SYT1: variants seen among roughly 807,000 people sequenced by gnomAD.
The protein encoded by SYT1 is synaptotagmin 1.
SYT1 carries 8 observed loss-of-function variants against 44.8 expected under a neutral mutation model. The ratio of observed to expected loss-of-function variants is 0.18; its 90% confidence interval spans 0.10 to 0.32. The LOEUF (loss-of-function observed/expected upper bound fraction) is 0.32, where lower values mean the gene tolerates loss of function less well. SYT1 is among the 10% of genes least tolerant of loss of function. The pLI, the probability that SYT1 is intolerant of heterozygous loss-of-function variation, is 1.00. For synonymous variants in SYT1, 154 were observed against 188.8 expected, an observed-to-expected ratio of 0.82 and a Z score of 1.51; for missense variants, 286 against 509.3, an observed-to-expected ratio of 0.56 and a Z score of 4.22.
At chr12:79,055,658 T>C (rs1184573600) in intron 3 of SYT1, among the ~76,000 whole-genome samples, 1 of 151,974 alleles carries the variant, frequency 6.6e-6, no homozygotes, top group Non-Finnish European at 1.5e-5. Flanking sequence ...AATGTCCTCT[T>C]CTATAAAAAT....
chr12:79,072,196 A>G (rs1373953745), intron 3 of SYT1, among the ~76,000 whole-genome samples: 1 of 152,144 alleles, frequency 6.6e-6, no homozygotes, highest in Non-Finnish European at 1.5e-5. Flanking sequence ...TTTAATTACC[A>G]ATTAAAGATG....
chr12:78,936,665 G>A (rs1036424819), intron 1 of SYT1, among the ~76,000 whole-genome samples: 8 of 151,866 alleles, frequency 5.3e-5, no homozygotes, highest in Non-Finnish European at 8.8e-5. Flanking sequence ...GACTTTAACC[G>A]AGTTTGGCAA....
At chr12:79,339,652 G>A (rs1245816728) in intron 8 of SYT1, among the ~76,000 whole-genome samples, 4 of 152,130 alleles carry the variant, frequency 2.6e-5, no homozygotes, top group Non-Finnish European at 2.9e-5. Context: ...TTCTTTTGCT[G>A]TGCAGAAGCC....
In SYT1 at chr12:79,367,941, A is replaced by T. The variant is rs558119293; in HGVS notation, c.928+14322A>T. On this transcript the variant is annotated intron_variant, in intron 9 of 10. Transcript: ENST00000261205. The stretch of plus-strand genomic sequence containing the variant: ...TATTATACTTTAAGTTTTAGGGTAC[A>T]TGTGCACAATGCGCAGGTTAGTTAC... 3.9e-5 allele frequency among the ~76,000 whole-genome samples: 6 copies of T among 151,952 alleles called. No individual in the cohort carries two copies. In the South Asian group the frequency reaches 1.0e-3, roughly 26 times the overall value.
At chr12:79,187,691 T>C (rs529952627) in intron 3 of SYT1, among the ~76,000 whole-genome samples, 2 of 152,222 alleles carry the variant, frequency 1.3e-5, no homozygotes, top group East Asian at 1.9e-4. Flanking sequence ...TTTATCACTA[T>C]TCCAGTATAT....
chr12:79,111,934 A>G (rs1032841927), intron 3 of SYT1, among the ~76,000 whole-genome samples: 1 of 151,984 alleles, frequency 6.6e-6, no homozygotes, highest in African/African-American at 2.4e-5. Flanking sequence ...TTTCATTTCA[A>G]CTTAACTGTT....
chr12:79,155,815 C>A (rs938007515), intron 3 of SYT1, among the ~76,000 whole-genome samples: 1 of 152,194 alleles, frequency 6.6e-6, no homozygotes, highest in Admixed American at 6.5e-5. Context: ...CTTCTGTTGC[C>A]TTCCGGCCTC....
intron 3 of SYT1, among the ~76,000 whole-genome samples, chr12:79,215,153 T>C (rs1184487392): frequency 6.6e-6 from 1 of 152,140 alleles, no homozygotes; most frequent in African/African-American, 2.4e-5. Context: ...GGACGTGACT[T>C]GAGTTGGAAA....
intron 3 of SYT1, among the ~76,000 whole-genome samples, chr12:79,061,943 A>T (rs1020004885): frequency 6.6e-6 from 1 of 152,198 alleles, no homozygotes; most frequent in Non-Finnish European, 1.5e-5. Context: ...TAGAAGCCTT[A>T]GTAATAGAAC....
At chr12:79,391,045 G>A (rs981440043) in intron 9 of SYT1, among the ~76,000 whole-genome samples, 1 of 152,166 alleles carries the variant, frequency 6.6e-6, no homozygotes, top group Non-Finnish European at 1.5e-5. Flanking sequence ...CCTGCAAGGT[G>A]ACTTTGGGAA....
chr12:79,362,667 A>AAAGGAAGGCTGAAC (rs540435775), intron 9 of SYT1, among the ~76,000 whole-genome samples: 13,649 of 152,132 alleles, frequency 0.09, 1,386 homozygotes, highest in African/African-American at 0.25. Context: ...TGTGGTCTGA[A>AAAGGAAGGCTGAAC]AAGGATATGA....
chr12:79,107,196 G>A lies in SYT1; in HGVS notation c.-18+59834G>A, dbSNP rs915420173. Among the ~76,000 whole-genome samples, 26 of 151,852 alleles carry A rather than the reference G, an allele frequency of 1.7e-4. 1 individual carries two copies. The highest frequency in any genetic ancestry group is 3.9e-4 in the Admixed American group (6 of 15,256). ...ACTCAAGACATTTAAAACATAAAGA[G>A]TTCAATAAACCAGGAATAAATTTTA... On this transcript the variant is annotated intron_variant, in intron 3 of 10. Transcript: ENST00000261205.
chr12:79,251,478 A>G (rs776076919), intron 4 of SYT1, among the ~76,000 whole-genome samples: 1 of 152,218 alleles, frequency 6.6e-6, no homozygotes, highest in Non-Finnish European at 1.5e-5. Context: ...CATCAAATCT[A>G]GATACTCCCT....
rs1870490467 is a variant in SYT1 at position 79,154,719 on chromosome 12, G to C, written c.-17-62784G>C. Among the ~76,000 whole-genome samples the C allele has an allele frequency of 1.3e-5, 2 of 152,132 alleles. 1 individual carries two copies. The highest frequency in any genetic ancestry group is 4.1e-4 in the South Asian group (2 of 4,820). ...ACGGAGAGAACTTCAAACACTTCGT[G>C]AAAGGGTCACTGAGGACATATTGCT... is the stretch of plus-strand genomic sequence containing the variant. On this transcript the variant is annotated intron_variant, in intron 3 of 10. Transcript: ENST00000261205.
At chr12:79,338,702 G>T (rs113883014) in intron 8 of SYT1, among the ~76,000 whole-genome samples, 3,371 of 128,330 alleles carry the variant, frequency 0.026, 50 homozygotes, top group Middle Eastern at 0.073. Flanking sequence ...TTAAGTTCTA[G>T]GGTACATGTG....
At chr12:79,426,096 T>C (rs76810176) in intron 9 of SYT1, among the ~76,000 whole-genome samples, 2 of 149,960 alleles carry the variant, frequency 1.3e-5, no homozygotes, top group African/African-American at 4.9e-5. Flanking sequence ...AAAAAAAAAA[T>C]AGCCTTTCTG....
In SYT1 at chr12:78,973,771, T is replaced by C. The variant is rs1054291406; in HGVS notation, c.-216-4028T>C. On this transcript the variant is annotated intron_variant, in intron 1 of 10. Transcript: ENST00000261205. ...TCAAAATAATGCGTTTGTTTACTCA[T>C]TCAAGATGTATTTACTGAGCTACCA... 4.0e-5 allele frequency among the ~76,000 whole-genome samples: 6 copies of C among 151,330 alleles called. No individual in the cohort carries two copies. The South Asian group carries it at 1.0e-3, about 26-fold the overall frequency.
intron 4 of SYT1, among the ~76,000 whole-genome samples, chr12:79,279,871 G>T (rs1657506842): frequency 6.6e-6 from 1 of 151,778 alleles, no homozygotes; most frequent in Non-Finnish European, 1.5e-5. Context: ...GAATCAAATC[G>T]AGAACTCAAT....
chr12:78,924,835 GC>G (rs1446065044), intron 1 of SYT1, among the ~76,000 whole-genome samples: 1 of 151,142 alleles, frequency 6.6e-6, no homozygotes, highest in Non-Finnish European at 1.5e-5. Flanking sequence ...TCCCTCACTA[GC>G]CCTGGAATCA....
Sources: gnomAD v4.1 joint callset for allele counts (sites outside exome capture counted in the v4.1 genomes callset) on GRCh38, gnomAD v4.1.1 for gene constraint, MANE v1.5 for transcripts, NCBI Gene and HGNC (gene_info 2026-07-23, HGNC 2026-07-21) for gene names.